TENM2: variants seen among roughly 807,000 people sequenced by gnomAD.
The protein encoded by TENM2 is teneurin transmembrane protein 2.
In TENM2, 52 loss-of-function variants were observed where a neutral mutation model predicts 245.2. That is an observed-to-expected ratio of 0.21 (90% CI 0.17 to 0.27). TENM2 has a LOEUF of 0.27. TENM2 is among the 10% of genes least tolerant of loss of function. The probability of loss-of-function intolerance (pLI) is 1.00; values close to 1 mark genes in which losing one functional copy is unlikely to be tolerated. For synonymous variants in TENM2, 1,363 were observed against 1,438.9 expected (o/e 0.95, Z 1.19); for missense variants, 3,046 against 3,666.8 (o/e 0.83, Z 4.37).
chr5:167,409,029 A>G (rs1762774270), intron 2 of TENM2, among the ~76,000 whole-genome samples: 1 of 151,612 alleles, frequency 6.6e-6, no homozygotes, highest in Non-Finnish European at 1.5e-5. Flanking sequence ...TTATCATTTA[A>G]TATACTAAGG....
chr5:167,159,564 A>G, the TENM2 span, among the ~76,000 whole-genome samples: 1 of 152,252 alleles, frequency 6.6e-6, no homozygotes, highest in Non-Finnish European at 1.5e-5. Flanking sequence ...ACTTCAAAGC[A>G]TCATATTCTA....
intron 7 of TENM2, among the ~76,000 whole-genome samples, chr5:168,088,484 C>T (rs186920799): frequency 2.8e-4 from 42 of 152,264 alleles, no homozygotes; most frequent in Admixed American, 1.3e-3. Flanking sequence ...TTCTAAGCAG[C>T]GGCCGTCACC....
At chr5:167,305,913 A>G (rs1357678358) in intron 1 of TENM2, among the ~76,000 whole-genome samples, 1 of 152,192 alleles carries the variant, frequency 6.6e-6, no homozygotes, top group African/African-American at 2.4e-5. Flanking sequence ...TGATCAGCAG[A>G]GCTAAGGGGA....
chr5:167,441,380 G>A (rs1764874209), intron 2 of TENM2, among the ~76,000 whole-genome samples: 1 of 152,114 alleles, frequency 6.6e-6, no homozygotes, highest in Admixed American at 6.6e-5. Context: ...GTATCGTTTG[G>A]ATTCCCTCAA....
intron 2 of TENM2, among the ~76,000 whole-genome samples, chr5:167,594,820 A>G (rs954887805): frequency 3.9e-5 from 6 of 152,184 alleles, no homozygotes; most frequent in Non-Finnish European, 8.8e-5. Context: ...GGAAAATCTG[A>G]TCCGTTCACT....
chr5:168,003,306 AACACACACACACAC>A (rs70976455), intron 5 of TENM2, among the ~76,000 whole-genome samples: 1,726 of 90,578 alleles, frequency 0.019, 14 homozygotes, highest in Non-Finnish European at 0.025. Context: ...TTTAAGAAAA[AACACACACACACAC>A]ACACACACAC....
At chr5:166,991,150 TGTTTG>T in the TENM2 span, among the ~76,000 whole-genome samples, 4 of 148,086 alleles carry the variant, frequency 2.7e-5, no homozygotes, top group African/African-American at 4.9e-5. Context: ...TAGTTCAAGT[TGTTTG>T]GTTTGGTGTT....
At chr5:168,064,415 C>A (rs1790316471) in intron 7 of TENM2, among the ~76,000 whole-genome samples, 1 of 152,104 alleles carries the variant, frequency 6.6e-6, no homozygotes, top group South Asian at 2.1e-4. Flanking sequence ...GCTCTGCTTG[C>A]CCCCTTCTCT....
chr5:167,284,045 A>T (rs1434144796), upstream of TENM2, among the ~76,000 whole-genome samples: 3 of 152,098 alleles, frequency 2.0e-5, no homozygotes, highest in Non-Finnish European at 2.9e-5. Context: ...TGGCTGTACC[A>T]GTAAGACTGC....
chr5:167,896,601 A>G (rs1775246014), intron 3 of TENM2, among the ~76,000 whole-genome samples: 1 of 152,216 alleles, frequency 6.6e-6, no homozygotes, highest in African/African-American at 2.4e-5. Context: ...AACATTTACA[A>G]TCTAAAATCC....
intron 1 of TENM2, among the ~76,000 whole-genome samples, chr5:167,299,452 G>A (rs372651916): frequency 2.0e-5 from 3 of 152,274 alleles, no homozygotes; most frequent in African/African-American, 7.2e-5. Context: ...GTCCTGGGTG[G>A]GGGCAAATCC....
chr5:168,039,866 GTGCACC>G (rs1788032954), intron 5 of TENM2, among the ~76,000 whole-genome samples: 1 of 152,042 alleles, frequency 6.6e-6, no homozygotes, highest in Non-Finnish European at 1.5e-5. Context: ...CCCACCTGCA[GTGCACC>G]TGCAGCAGCG....
At chr5:167,313,732 C>T (rs1487885179) in intron 1 of TENM2, among the ~76,000 whole-genome samples, 1 of 152,202 alleles carries the variant, frequency 6.6e-6, no homozygotes, top group Non-Finnish European at 1.5e-5. Context: ...CACTCTATCT[C>T]TGCCTCTATG....
the TENM2 span, among the ~76,000 whole-genome samples, chr5:167,209,978 T>C: frequency 6.6e-6 from 1 of 152,220 alleles, no homozygotes; most frequent in African/African-American, 2.4e-5. Flanking sequence ...AACTTCTAGA[T>C]GAAGGAAACC....
chr5:167,404,735 TTTC>T (rs1217722629), intron 2 of TENM2, among the ~76,000 whole-genome samples: 1 of 152,190 alleles, frequency 6.6e-6, no homozygotes, highest in Non-Finnish European at 1.5e-5. Context: ...CCTGCTCATG[TTTC>T]TTCATGTTCC....
the TENM2 span, among the ~76,000 whole-genome samples, chr5:167,133,060 G>C: frequency 6.6e-6 from 1 of 152,204 alleles, no homozygotes; most frequent in Non-Finnish European, 1.5e-5. Context: ...TCACAGGGAC[G>C]TGTGGCCTAG....
At chr5:168,200,898 C>T (rs904604671) in intron 17 of TENM2, among the ~76,000 whole-genome samples, 2 of 152,136 alleles carry the variant, frequency 1.3e-5, no homozygotes, top group Non-Finnish European at 1.5e-5. Context: ...CACCAATAGT[C>T]GTGTGTATTT....
intron 2 of TENM2, among the ~76,000 whole-genome samples, chr5:167,840,463 G>A (rs867641159): frequency 6.6e-6 from 1 of 152,078 alleles, no homozygotes; most frequent in East Asian, 1.9e-4. Context: ...GGCAAATTCT[G>A]CAGACATAAA....
intron 2 of TENM2, among the ~76,000 whole-genome samples, chr5:167,504,919 G>A (rs546569366): frequency 6.6e-6 from 1 of 151,928 alleles, no homozygotes; most frequent in African/African-American, 2.4e-5. Context: ...TTTTTCTAAA[G>A]GACAGTATAC....
Sources: allele counts gnomAD v4.1 joint callset (sites outside exome capture counted in the v4.1 genomes callset), GRCh38; gene constraint gnomAD v4.1.1; transcripts MANE v1.5; gene names NCBI Gene and HGNC (gene_info 2026-07-23, HGNC 2026-07-21).